The following CFAP68 variants were observed in gnomAD, a reference collection of about 807,000 sequenced individuals.
CFAP68 encodes the protein cilia and flagella associated protein 68, also known as cilia- and flagella-associated protein 68.
At chr11:111,881,639 G>C in the CFAP68 span, 2 of 1,503,940 alleles carry the variant, frequency 1.3e-6, no homozygotes, top group Non-Finnish European at 1.8e-6. Context: ...AAGTCAGGGG[G>C]CCAGACTCAC....
At chr11:111,883,724 T>C in the CFAP68 span, 1 of 1,323,542 alleles carries the variant, frequency 7.6e-7, no homozygotes, top group African/African-American at 1.4e-5. Flanking sequence ...CTCCTTAGTG[T>C]TGACTGTTTT....
the CFAP68 span, among the ~76,000 whole-genome samples, chr11:111,879,796 G>C: frequency 6.6e-6 from 1 of 152,260 alleles, no homozygotes; most frequent in Admixed American, 6.5e-5. Context: ...TGTGTGCTCT[G>C]GGAGCACACA....
the CFAP68 span, chr11:111,879,681 GT>G: frequency 2.0e-6 from 3 of 1,500,174 alleles, no homozygotes; most frequent in Non-Finnish European, 2.8e-6. Context: ...CACTGTGAGG[GT>G]GGTTACGATA....
chr11:111,879,553 C>T, the CFAP68 span: 5 of 1,613,964 alleles, frequency 3.1e-6, no homozygotes, highest in Admixed American at 1.7e-5. Flanking sequence ...TTTTTCACCT[C>T]GTCTGAAATG....
At chr11:111,881,212 C>G in the CFAP68 span, 1 of 1,333,102 alleles carries the variant, frequency 7.5e-7, no homozygotes, top group African/African-American at 1.5e-5. Flanking sequence ...TCATTCCAGC[C>G]CTAGAGACAG....
At chr11:111,882,221 G>A in the CFAP68 span, 1 of 671,144 alleles carries the variant, frequency 1.5e-6, no homozygotes, top group Admixed American at 3.0e-5. Context: ...AGGACTTAGA[G>A]AAGAAGAAAC....
the CFAP68 span, among the ~76,000 whole-genome samples, chr11:111,879,840 T>C: frequency 6.6e-6 from 1 of 151,908 alleles, no homozygotes; most frequent in Non-Finnish European, 1.5e-5. Context: ...GCGAAGAGGG[T>C]CAGAGAGTCC....
At chr11:111,884,479 A>AAG in the CFAP68 span, 2 of 151,702 alleles carry the variant, frequency 1.3e-5, no homozygotes, top group South Asian at 2.1e-4. Flanking sequence ...GTCTCAAAAA[A>AAG]AAAAAAAAAA....
At chr11:111,881,551 ACT>A in the CFAP68 span, 43 of 1,535,680 alleles carry the variant, frequency 2.8e-5, no homozygotes, top group South Asian at 2.3e-4. Context: ...GATTTCTGTG[ACT>A]CTCATAAGAA....
chr11:111,880,377 A>G, the CFAP68 span, among the ~76,000 whole-genome samples: 1 of 152,232 alleles, frequency 6.6e-6, no homozygotes, highest in Non-Finnish European at 1.5e-5. Context: ...ATTCCCAGTA[A>G]GTTAAGGCAT....
the CFAP68 span, chr11:111,879,546 T>A: frequency 1.2e-6 from 2 of 1,614,002 alleles, no homozygotes; most frequent in East Asian, 4.5e-5. Flanking sequence ...TGAACCTTTT[T>A]TCACCTCGTC....
chr11:111,883,943 T>G, the CFAP68 span: 1 of 1,151,960 alleles, frequency 8.7e-7, no homozygotes, highest in Non-Finnish European at 1.3e-6. Context: ...TCCAGGTTTC[T>G]AAGAAATGAT....
Sources: allele counts gnomAD v4.1 joint callset (sites outside exome capture counted in the v4.1 genomes callset), GRCh38; gene constraint gnomAD v4.1.1; transcripts MANE v1.5; gene names NCBI Gene and HGNC (gene_info 2026-07-23, HGNC 2026-07-21).